The following FAM193A variants were observed in gnomAD, a reference collection of about 807,000 sequenced individuals.
FAM193A encodes the protein family with sequence similarity 193 member A.
In FAM193A, 22 loss-of-function variants were observed where a neutral mutation model predicts 126.5. The ratio of observed to expected loss-of-function variants is 0.17; its 90% CI spans 0.12 to 0.25. The LOEUF (loss-of-function observed/expected upper bound fraction) is 0.25, where lower values mean the gene tolerates loss of function less well. Among genes scored for constraint, FAM193A ranks in the 10% least tolerant of loss-of-function variants. The probability of loss-of-function intolerance (pLI) is 1.00; values close to 1 mark genes in which losing one functional copy is unlikely to be tolerated. For missense variants in FAM193A, 1,675 were observed against 1,672.8 expected (o/e 1.00, Z -0.02); for synonymous variants, 761 against 646.8 (o/e 1.18, Z -2.68).
intron 19 of FAM193A, chr4:2,715,536 T>C: frequency 1.0e-6 from 1 of 992,442 alleles, no homozygotes. Context: ...GTAGGGTTGA[T>C]GTCTGGGTCC....
At chr4:2,543,106 T>A (rs1398022877) in intron 1 of FAM193A, among the ~76,000 whole-genome samples, 2 of 151,216 alleles carry the variant, frequency 1.3e-5, no homozygotes, top group Non-Finnish European at 3.0e-5. Context: ...TTTTTTTTTT[T>A]AAATGGAGTC....
chr4:2,573,714 C>G (rs747128431), intron 1 of FAM193A, among the ~76,000 whole-genome samples: 2 of 152,114 alleles, frequency 1.3e-5, no homozygotes, highest in Non-Finnish European at 2.9e-5. Flanking sequence ...TCTAGACTCC[C>G]TACTGCCTGG....
intron 1 of FAM193A, among the ~76,000 whole-genome samples, chr4:2,580,427 C>T (rs1009318472): frequency 6.6e-6 from 1 of 152,158 alleles, no homozygotes; most frequent in Non-Finnish European, 1.5e-5. Context: ...CAACAAACGC[C>T]TGTGACACAT....
chr4:2,727,952 A>AT (rs1357218456), intron 20 of FAM193A, among the ~76,000 whole-genome samples: 88 of 149,134 alleles, frequency 5.9e-4, no homozygotes, highest in Middle Eastern at 3.5e-3. Flanking sequence ...TATTTTATTT[A>AT]TTTTTTTTTT....
At chr4:2,610,317 C>T (rs1741789670) in intron 2 of FAM193A, among the ~76,000 whole-genome samples, 1 of 151,698 alleles carries the variant, frequency 6.6e-6, no homozygotes, top group Non-Finnish European at 1.5e-5. Flanking sequence ...ATAGATCAAT[C>T]AAGGCATATA....
chr4:2,677,188 C>A (rs1714509633), intron 13 of FAM193A, among the ~76,000 whole-genome samples: 1 of 152,082 alleles, frequency 6.6e-6, no homozygotes, highest in Non-Finnish European at 1.5e-5. Context: ...GTACCAGTAC[C>A]ATTTGTTAAA....
At chr4:2,692,942 C>T (rs1248027858) in intron 15 of FAM193A, among the ~76,000 whole-genome samples, 1 of 152,130 alleles carries the variant, frequency 6.6e-6, no homozygotes, top group Non-Finnish European at 1.5e-5. Context: ...GTGGCTCACA[C>T]CTGTAGTCCC....
chr4:2,722,432 A>T (rs984566665), intron 20 of FAM193A, among the ~76,000 whole-genome samples: 9 of 152,152 alleles, frequency 5.9e-5, no homozygotes, highest in African/African-American at 2.2e-4. Context: ...AATGGCTTGG[A>T]GCAGGAATGT....
At chr4:2,704,555 A>T (rs1203925454) in intron 19 of FAM193A, among the ~76,000 whole-genome samples, 1 of 151,880 alleles carries the variant, frequency 6.6e-6, no homozygotes, top group Non-Finnish European at 1.5e-5. Context: ...ACAGAGCAAG[A>T]CCCTATCTGA....
chr4:2,683,800 C>T (rs1715428996), intron 13 of FAM193A, among the ~76,000 whole-genome samples: 1 of 152,160 alleles, frequency 6.6e-6, no homozygotes, highest in Non-Finnish European at 1.5e-5. Flanking sequence ...TTATATCTTT[C>T]GAAACTGTCC....
chr4:2,630,598 C>T (rs1577100880), intron 4 of FAM193A, among the ~76,000 whole-genome samples: 1 of 152,316 alleles, frequency 6.6e-6, no homozygotes, highest in African/African-American at 2.4e-5. Context: ...TGTGAGTTTA[C>T]GCAAGTCACC....
At chr4:2,554,319 G>A (rs1338133218) in intron 1 of FAM193A, among the ~76,000 whole-genome samples, 15 of 151,922 alleles carry the variant, frequency 9.9e-5, no homozygotes, top group Admixed American at 9.2e-4. Flanking sequence ...TCCTGACCTC[G>A]TGATCCACCC....
chr4:2,619,413 C>T (rs375602510), intron 2 of FAM193A, among the ~76,000 whole-genome samples: 3 of 151,586 alleles, frequency 2.0e-5, no homozygotes, highest in Admixed American at 2.0e-4. Context: ...AACGATTCTC[C>T]TGCTTCAGCC....
chr4:2,729,991 G>C (rs1229834372), intron 20 of FAM193A, among the ~76,000 whole-genome samples: 1 of 152,082 alleles, frequency 6.6e-6, no homozygotes, highest in Admixed American at 6.6e-5. Context: ...CTGCAGCCTT[G>C]ACCTCCCAGG....
At chr4:2,699,449 CACA>C (rs200732551) in intron 18 of FAM193A, among the ~76,000 whole-genome samples, 779 of 77,744 alleles carry the variant, frequency 0.01, 85 homozygotes, top group East Asian at 0.037. Flanking sequence ...CCCCCCCCCA[CACA>C]CACACACACA....
intron 5 of FAM193A, among the ~76,000 whole-genome samples, chr4:2,634,157 G>A (rs1743870093): frequency 6.6e-6 from 1 of 152,226 alleles, no homozygotes; most frequent in Admixed American, 6.5e-5. Flanking sequence ...GGACAGCAGG[G>A]ATCTGCAGCT....
At chr4:2,546,984 A>G (rs896651293) in intron 1 of FAM193A, among the ~76,000 whole-genome samples, 17 of 152,136 alleles carry the variant, frequency 1.1e-4, no homozygotes, top group Admixed American at 2.0e-4. Flanking sequence ...GGGTTTTGCC[A>G]TGTTGCCCAA....
intron 1 of FAM193A, among the ~76,000 whole-genome samples, chr4:2,589,738 C>T (rs969933594): frequency 6.6e-6 from 1 of 152,088 alleles, no homozygotes; most frequent in Non-Finnish European, 1.5e-5. Context: ...CCTGCATATG[C>T]TTTGGGAAAG....
intron 13 of FAM193A, among the ~76,000 whole-genome samples, chr4:2,683,222 A>C (rs771011711): frequency 1.3e-5 from 2 of 151,086 alleles, no homozygotes; most frequent in Non-Finnish European, 2.9e-5. Flanking sequence ...TTCTTTTCGA[A>C]TTCTTTTCCC....
Sources: gnomAD v4.1 joint callset for allele counts (sites outside exome capture counted in the v4.1 genomes callset) on GRCh38, gnomAD v4.1.1 for gene constraint, MANE v1.5 for transcripts, NCBI Gene and HGNC (gene_info 2026-07-23, HGNC 2026-07-21) for gene names.